Variants in ITPR1 observed in about 807,000 individuals in gnomAD.
ITPR1 encodes the protein inositol 1,4,5-trisphosphate receptor type 1, also known as inositol 1,4,5-trisphosphate-gated calcium channel ITPR1.
Under a neutral mutation model 318.4 loss-of-function variants are expected in ITPR1, and 96 were observed. That is an observed-to-expected ratio of 0.30 (90% CI 0.26 to 0.36). The LOEUF (loss-of-function observed/expected upper bound fraction) is 0.36. Among genes scored for constraint, ITPR1 ranks in the 10% least tolerant of loss-of-function variants. The probability of loss-of-function intolerance (pLI) is 1.00; values close to 1 mark genes in which losing one functional copy is unlikely to be tolerated. For missense variants in ITPR1, 2,440 were observed against 3,460.2 expected (o/e 0.71, Z 7.40); for synonymous variants, 1,312 against 1,289.9 (o/e 1.02, Z -0.37).
At chr3:4,809,012 A>G (rs564228335) in intron 55 of ITPR1, among the ~76,000 whole-genome samples, 7 of 152,348 alleles carry the variant, frequency 4.6e-5, no homozygotes, top group African/African-American at 1.2e-4. Flanking sequence ...GTAAACATGG[A>G]AAAATGTTCA....
intron 5 of ITPR1, among the ~76,000 whole-genome samples, chr3:4,637,909 T>C (rs2093238183): frequency 6.6e-6 from 1 of 152,168 alleles, no homozygotes; most frequent in Non-Finnish European, 1.5e-5. Flanking sequence ...TTCTTAGTGT[T>C]AGAAAGTAGC....
At chr3:4,685,329 C>A in intron 30 of ITPR1, 123 bp downstream of exon 30, 1 of 989,366 alleles carries the variant, frequency 1.0e-6, no homozygotes, top group Non-Finnish European at 1.4e-6. Context: ...ATTGTGACTA[C>A]AAAGCAATTT....
chr3:4,613,874 T>C (rs1287241675), intron 4 of ITPR1, among the ~76,000 whole-genome samples: 25 of 152,322 alleles, frequency 1.6e-4, no homozygotes, highest in Non-Finnish European at 2.9e-5. Flanking sequence ...GAATTTTGCA[T>C]ATGTGCATTT....
rs146119903 is a variant in ITPR1, at chr3:4,764,341, G to A, written c.5545-2189G>A. Among the ~76,000 whole-genome samples the A allele has an allele frequency of 2.3e-3, 348 of 152,306 alleles. 4 individuals are homozygous for A. Among genetic ancestry groups the A allele is most frequent in the African/African-American group, 8.0e-3 (334 of 41,554 alleles). On this transcript the variant is annotated intron_variant, in intron 44 of 61. Transcript: ENST00000649015. The stretch of plus-strand genomic sequence containing the variant: ...AAAGGATCTGACCATGGGGAGGGGG[G>A]CATCCAGTTATGGGGAGCCATAAAG...
At chr3:4,723,297 C>T (rs1395913356) in intron 40 of ITPR1, among the ~76,000 whole-genome samples, 1 of 152,200 alleles carries the variant, frequency 6.6e-6, no homozygotes, top group East Asian at 1.9e-4. Context: ...ACAGGATGCT[C>T]ATGCAGTGCT....
chr3:4,762,537 T>C (rs969537235), intron 44 of ITPR1, among the ~76,000 whole-genome samples: 1 of 152,238 alleles, frequency 6.6e-6, no homozygotes, highest in African/African-American at 2.4e-5. Flanking sequence ...ACCTTCACCT[T>C]GGAGTTTTCA....
At position 4,835,821 on chromosome 3, in the gene ITPR1, T is replaced by C. The variant is rs545828322; in HGVS notation, c.8029-953T>C. On this transcript the variant is annotated intron_variant, in intron 60 of 61. Transcript: ENST00000649015. ...TGAGGTGGGAGGAGGAGTTGTCCCA[T>C]TCTGTTAACCAGTAGTGAGAAATAC... Among the ~76,000 whole-genome samples, 17 of 152,282 alleles carry C rather than the reference T, an allele frequency of 1.1e-4. No homozygotes were observed. In the South Asian group the frequency reaches 3.5e-3, roughly 32 times the overall value.
At chr3:4,675,421 T>C (rs1275941676) in intron 23 of ITPR1, among the ~76,000 whole-genome samples, 173 bp downstream of exon 23, 1 of 152,274 alleles carries the variant, frequency 6.6e-6, no homozygotes, top group African/African-American at 2.4e-5. Flanking sequence ...AACAGTACGA[T>C]GGAGTCCCAC....
At chr3:4,709,659 C>T (rs1290400097) in intron 37 of ITPR1, among the ~76,000 whole-genome samples, 1 of 152,194 alleles carries the variant, frequency 6.6e-6, no homozygotes, top group Non-Finnish European at 1.5e-5. Context: ...TTTTGCTGCT[C>T]TTTCAACTTC....
chr3:4,603,494 A>G (rs1021738340), intron 4 of ITPR1, among the ~76,000 whole-genome samples: 2 of 151,956 alleles, frequency 1.3e-5, no homozygotes, highest in Non-Finnish European at 1.5e-5. Flanking sequence ...CAGTGGTGCA[A>G]TCTCGGCTCA....
chr3:4,718,861 C>A (rs1202106407), intron 40 of ITPR1, among the ~76,000 whole-genome samples: 1 of 152,184 alleles, frequency 6.6e-6, no homozygotes, highest in Non-Finnish European at 1.5e-5. Context: ...CACTTCTATG[C>A]TGAATTTGAT....
intron 4 of ITPR1, among the ~76,000 whole-genome samples, chr3:4,610,849 CT>C (rs769726467): frequency 2.4e-4 from 36 of 147,350 alleles, no homozygotes; most frequent in Admixed American, 4.1e-4. Flanking sequence ...TTCTCTTTCC[CT>C]TTCCTGTTCC....
rs75722887 is a variant in ITPR1, at chr3:4,513,715, A to T, written c.-16-2761A>T. Among the ~76,000 whole-genome samples the T allele has an allele frequency of 5.9e-5, 9 of 152,348 alleles. 1 individual carries two copies. On this transcript the variant is annotated intron_variant, in intron 2 of 61. Coordinates refer to ENST00000649015, the MANE Select transcript of ITPR1 (RefSeq NM_001378452.1). ...AGAAGAAACTCAGTTCTCCATAATCATCCGGAGTATAAGAACATTTAACAT... is the reference window on the plus strand; with the variant it reads ...AGAAGAAACTCAGTTCTCCATAATCTTCCGGAGTATAAGAACATTTAACAT...
chr3:4,721,213 T>G (rs1171097020), intron 40 of ITPR1, among the ~76,000 whole-genome samples: 1 of 145,756 alleles, frequency 6.9e-6, no homozygotes, highest in Non-Finnish European at 1.5e-5. Context: ...TGCATATCAC[T>G]GAGATTATTC....
chr3:4,800,676 T>A, intron 54 of ITPR1, 76 bp downstream of exon 54: 1 of 1,432,842 alleles, frequency 7.0e-7, no homozygotes, highest in Non-Finnish European at 9.7e-7. Context: ...GTTTCTAGAA[T>A]CCTGGCCTGT....
chr3:4,751,429 C>T (rs1049678996), intron 44 of ITPR1: 1 of 152,210 alleles, frequency 6.6e-6, no homozygotes, highest in Non-Finnish European at 1.5e-5. Flanking sequence ...TCTGAGATGG[C>T]TCTGTGTTGT....
At chr3:4,638,866 C>T (rs1199198020) in intron 5 of ITPR1, among the ~76,000 whole-genome samples, 4 of 152,072 alleles carry the variant, frequency 2.6e-5, no homozygotes, top group African/African-American at 7.2e-5. Flanking sequence ...TATCAGGTAC[C>T]GTGCAGTGGA....
chr3:4,719,001 C>T (rs1198364272), intron 40 of ITPR1, among the ~76,000 whole-genome samples: 1 of 152,266 alleles, frequency 6.6e-6, no homozygotes, highest in East Asian at 1.9e-4. Context: ...AAAGGAAAAC[C>T]TTCCCTAATC....
At chr3:4,543,781 A>G (rs936324089) in intron 4 of ITPR1, among the ~76,000 whole-genome samples, 11 of 152,348 alleles carry the variant, frequency 7.2e-5, no homozygotes, top group South Asian at 2.1e-4. Flanking sequence ...ACTGCAAGTA[A>G]GAGAGAAAAT....
Sources: allele counts gnomAD v4.1 joint callset (sites outside exome capture counted in the v4.1 genomes callset), GRCh38; gene constraint gnomAD v4.1.1; transcripts MANE v1.5; gene names NCBI Gene and HGNC (gene_info 2026-07-23, HGNC 2026-07-21).